The following ASTN2 variants were observed in gnomAD, a reference collection of about 807,000 sequenced individuals.
ASTN2 encodes astrotactin-2.
A neutral mutation model predicts 139.8 loss-of-function variants in ASTN2; 54 were observed. That is an observed-to-expected ratio of 0.39 (90% CI 0.31 to 0.48). ASTN2 has a LOEUF of 0.48. Ranked by LOEUF, ASTN2 falls within the 20% of genes least tolerant of loss-of-function variation. The pLI, the probability that ASTN2 is intolerant of heterozygous loss-of-function variation, is 0.95. For synonymous variants in ASTN2, 756 were observed against 719.5 expected (o/e 1.05, Z -0.81); for missense variants, 1,565 against 1,725.1 (o/e 0.91, Z 1.64).
At chr9:117,147,792 T>C (rs1830236395) in intron 3 of ASTN2, among the ~76,000 whole-genome samples, 1 of 152,186 alleles carries the variant, frequency 6.6e-6, no homozygotes, top group South Asian at 2.1e-4. Flanking sequence ...TTAGGGACGA[T>C]AGAACTGGGA....
intron 2 of ASTN2, among the ~76,000 whole-genome samples, chr9:117,241,448 T>C (rs1833203065): frequency 6.6e-6 from 1 of 152,182 alleles, no homozygotes; most frequent in African/African-American, 2.4e-5. Context: ...CACCAGGCAC[T>C]GGTTTCGTGG....
chr9:116,708,499 G>A (rs914834784), intron 16 of ASTN2, among the ~76,000 whole-genome samples: 1 of 152,148 alleles, frequency 6.6e-6, no homozygotes, highest in South Asian at 2.1e-4. Context: ...ACAAGATCTT[G>A]ACCACATTTA....
chr9:117,409,180 C>T (rs1831091249), intron 1 of ASTN2, among the ~76,000 whole-genome samples: 1 of 152,178 alleles, frequency 6.6e-6, no homozygotes, highest in South Asian at 2.1e-4. Context: ...CAGAATCTTT[C>T]TCTCACACAT....
intron 13 of ASTN2, among the ~76,000 whole-genome samples, chr9:116,779,285 G>T (rs1239253731): frequency 1.3e-5 from 2 of 152,068 alleles, no homozygotes; most frequent in East Asian, 3.9e-4. Flanking sequence ...TTAACAGAGG[G>T]GGTTTGGTCC....
At chr9:117,264,921 A>G (rs1288212086) in intron 2 of ASTN2, among the ~76,000 whole-genome samples, 1 of 152,350 alleles carries the variant, frequency 6.6e-6, no homozygotes, top group East Asian at 1.9e-4. Context: ...AACTTCAGGA[A>G]GGACCTTGGC....
chr9:116,747,432 T>C (rs1249596955), intron 13 of ASTN2, among the ~76,000 whole-genome samples: 1 of 152,218 alleles, frequency 6.6e-6, no homozygotes, highest in Non-Finnish European at 1.5e-5. Context: ...GGATGCCCTT[T>C]GTTAAACGTA....
intron 4 of ASTN2, among the ~76,000 whole-genome samples, chr9:117,115,290 G>A (rs944691119): frequency 1.3e-5 from 2 of 152,120 alleles, no homozygotes; most frequent in African/African-American, 4.8e-5. Flanking sequence ...GCCGAGGCAG[G>A]TGGATCACTT....
chr9:116,884,332 T>G (rs1833532639), intron 10 of ASTN2, among the ~76,000 whole-genome samples: 1 of 152,132 alleles, frequency 6.6e-6, no homozygotes, highest in South Asian at 2.1e-4. Context: ...GGATAGTCAC[T>G]TCCTGTGATA....
chr9:116,475,120 G>A (rs565692306), intron 20 of ASTN2, among the ~76,000 whole-genome samples: 1 of 152,228 alleles, frequency 6.6e-6, no homozygotes, highest in East Asian at 1.9e-4. Context: ...TACAAAATTG[G>A]TTTATTTGGC....
chr9:117,084,219 T>C (rs1572158), intron 5 of ASTN2, among the ~76,000 whole-genome samples: 12,777 of 152,180 alleles, frequency 0.084, 661 homozygotes, highest in East Asian at 0.21. Flanking sequence ...TGTATTTTAC[T>C]GCATTTTACT....
chr9:116,605,030 G>C (rs551196512), intron 19 of ASTN2, among the ~76,000 whole-genome samples: 1 of 149,198 alleles, frequency 6.7e-6, no homozygotes, highest in African/African-American at 2.5e-5. Context: ...AGAGTGACAT[G>C]GAATAAAAAG....
At chr9:116,826,009 C>T (rs1271238991) in intron 11 of ASTN2, among the ~76,000 whole-genome samples, 1 of 152,218 alleles carries the variant, frequency 6.6e-6, no homozygotes, top group Admixed American at 6.5e-5. Context: ...GCTATTGAGA[C>T]TGAGACATGG....
rs12552976 is a variant in ASTN2, at chr9:117,149,479, C to T, written c.1016-8001G>A. Among the ~76,000 whole-genome samples the T allele has an allele frequency of 6.1e-3, 927 of 152,054 alleles. 32 individuals are homozygous for T. The highest frequency in any genetic ancestry group is 0.043 in the Admixed American group (661 of 15,260). ...TTCATGTCTTCTTGGTTCTGTTTCTCTAAAGAACTCTGACCAATGCAACCT... is the reference window on the plus strand; with the variant it reads ...TTCATGTCTTCTTGGTTCTGTTTCTTTAAAGAACTCTGACCAATGCAACCT... On this transcript the variant is annotated intron_variant, in intron 3 of 22. Transcript: ENST00000313400.
At chr9:116,820,538 G>T in intron 12 of ASTN2, 79 bp downstream of exon 12, 1 of 1,518,444 alleles carries the variant, frequency 6.6e-7, no homozygotes, top group Non-Finnish European at 8.9e-7. Context: ...GCCTTGCTGA[G>T]CTGTAGTGTC....
intron 17 of ASTN2, among the ~76,000 whole-genome samples, chr9:116,623,167 G>GTA (rs1328712072): frequency 1.3e-5 from 1 of 77,340 alleles, no homozygotes; most frequent in Non-Finnish European, 3.3e-5. Flanking sequence ...GTGTGTGTGT[G>GTA]TGTGTGTGTG....
rs6151145 is a variant in ASTN2 at position 117,329,167 on chromosome 9, G to GCACTTCCAA, written c.443-37663_443-37655dup. Among the ~76,000 whole-genome samples, 1,108 of 143,838 alleles carry GCACTTCCAA rather than the reference G, an allele frequency of 7.7e-3. 4 individuals carry two copies. The highest frequency in any genetic ancestry group is 0.019 in the South Asian group (84 of 4,514). 94.4% of individuals were successfully genotyped at this position (143,838 alleles called of 152,430 possible). A position where few individuals can be genotyped will look rare whatever the true frequency, so the allele number is the denominator to read the frequency against. ...TTCCAGGCCAAGCAGGTAACCTACT[G>GCACTTCCAA]CACTTCCAAGTTCTTTTTTTTTTTT... On this transcript the variant is annotated intron_variant, in intron 1 of 22. Coordinates refer to ENST00000313400, the MANE Select transcript of ASTN2 (RefSeq NM_001365068.1).
At chr9:116,583,161 C>A (rs2131716171) in intron 19 of ASTN2, 1 of 152,336 alleles carries the variant, frequency 6.6e-6, no homozygotes. Flanking sequence ...TCATGCAGTT[C>A]TCCTTGGACT....
At position 117,360,542 on chromosome 9, in the gene ASTN2, G is replaced by A. The variant is rs553738116; in HGVS notation, c.442+53955C>T. Among the ~76,000 whole-genome samples, 15 of 152,254 alleles carry A rather than the reference G, an allele frequency of 9.9e-5. No homozygotes were observed. In the South Asian group the frequency reaches 2.1e-3, roughly 21 times the overall value. ...TGAGCAGGGGATAATTCCCACCCTC[G>A]TGGAGCTGCTGGTCTAATGGAGAGA... On this transcript the variant is annotated intron_variant, in intron 1 of 22. Transcript: ENST00000313400.
At chr9:116,877,685 A>AC (rs1833339391) in intron 10 of ASTN2, among the ~76,000 whole-genome samples, 1 of 152,006 alleles carries the variant, frequency 6.6e-6, no homozygotes. Flanking sequence ...GTTTCATCAC[A>AC]CCCAGGCTGT....
Sources: allele counts gnomAD v4.1 joint callset (sites outside exome capture counted in the v4.1 genomes callset), GRCh38; gene constraint gnomAD v4.1.1; transcripts MANE v1.5; gene names NCBI Gene and HGNC (gene_info 2026-07-23, HGNC 2026-07-21).